PEX13: variants seen among roughly 807,000 people sequenced by gnomAD.
PEX13 encodes the protein peroxisomal biogenesis factor 13, also known as peroxisome biogenesis factor 13.
A neutral mutation model predicts 34.5 loss-of-function variants in PEX13; 28 were observed. That is an observed-to-expected ratio of 0.81 (90% CI 0.60 to 1.11). The LOEUF is 1.11. PEX13 is among the 50% of genes most tolerant of loss of function. The pLI is 0.00. For synonymous variants in PEX13, 177 were observed against 175.1 expected (o/e 1.01, Z -0.09); for missense variants, 550 against 491.0 (o/e 1.12, Z -1.13).
intron 3 of PEX13, among the ~76,000 whole-genome samples, chr2:61,046,254 A>C (rs937744227): frequency 6.6e-6 from 1 of 152,200 alleles, no homozygotes; most frequent in African/African-American, 2.4e-5. Context: ...TTACTTCAGC[A>C]GTGTTTACCT....
chr2:61,044,633 G>C (rs1034393646), intron 2 of PEX13, among the ~76,000 whole-genome samples: 3 of 152,118 alleles, frequency 2.0e-5, no homozygotes, highest in African/African-American at 7.2e-5. Context: ...AGATCCACCC[G>C]CCTCGGCCTC....
chr2:61,040,235 G>A (rs1168467460), intron 2 of PEX13, among the ~76,000 whole-genome samples: 1 of 151,978 alleles, frequency 6.6e-6, no homozygotes, highest in Non-Finnish European at 1.5e-5. Flanking sequence ...TCCCTTACTG[G>A]GTATATATCC....
chr2:61,043,332 TAAAAAAAAAA>T (rs36040457), intron 2 of PEX13, among the ~76,000 whole-genome samples: 45 of 73,740 alleles, frequency 6.1e-4, no homozygotes, highest in Admixed American at 9.2e-4. Flanking sequence ...CTGTCTCTAC[TAAAAAAAAAA>T]AAAAAAAAAA....
chr2:61,026,272 A>G (rs1252261420), intron 1 of PEX13, among the ~76,000 whole-genome samples: 1 of 151,548 alleles, frequency 6.6e-6, no homozygotes, highest in Non-Finnish European at 1.5e-5. Flanking sequence ...TCCTTAGTGT[A>G]CAGCAGCTAA....
intron 2 of PEX13, among the ~76,000 whole-genome samples, chr2:61,041,849 T>C (rs1432071685): frequency 6.6e-6 from 1 of 152,144 alleles, no homozygotes; most frequent in Non-Finnish European, 1.5e-5. Context: ...ATGAAGAAGC[T>C]ACTATAGGAA....
At chr2:61,028,389 TTTC>T (rs1306251821) in intron 1 of PEX13, among the ~76,000 whole-genome samples, 1 of 148,972 alleles carries the variant, frequency 6.7e-6, no homozygotes, top group Non-Finnish European at 1.5e-5. Context: ...ATTTCTTTCT[TTTC>T]TTTTTTTTTT....
rs1463784828 is a variant in PEX13 at position 61,017,764 on chromosome 2, C to T, written c.5C>T (p.Ala2Val). ...AGCCGAGAGGAGGCGGAGGAGATGG[C>T]GTCCCAGCCGCCACCTCCCCCCAAA... M[A>V]SQPPPPPKPW... The change falls in exon 1 of 4, where the codon GCG (alanine) becomes GTG (valine). Residue 2 changes from alanine (A) to valine (V), a missense_variant. Coordinates refer to ENST00000295030, the MANE Select transcript of PEX13 (RefSeq NM_002618.4). 1.3e-6 allele frequency: 2 copies of T among 1,549,218 alleles called. No individual in the cohort carries two copies. Among genetic ancestry groups the T allele is most frequent in the Admixed American group, 2.0e-5 (1 of 50,904 alleles).
intron 1 of PEX13, among the ~76,000 whole-genome samples, chr2:61,024,218 T>A (rs1299401401): frequency 6.6e-6 from 1 of 152,190 alleles, no homozygotes; most frequent in Non-Finnish European, 1.5e-5. Flanking sequence ...CTCAGTGTGG[T>A]CTTCTTTGTA....
intron 1 of PEX13, among the ~76,000 whole-genome samples, chr2:61,020,357 G>A (rs1040908165): frequency 6.6e-6 from 1 of 151,792 alleles, no homozygotes; most frequent in African/African-American, 2.4e-5. Flanking sequence ...ACATTTTCCA[G>A]TTGGTTATTA....
intron 2 of PEX13, among the ~76,000 whole-genome samples, chr2:61,036,383 A>AAGGCCGGATT (rs1194913687): frequency 1.3e-5 from 2 of 152,200 alleles, no homozygotes; most frequent in Non-Finnish European, 2.9e-5. Context: ...GCCAGAGAGA[A>AAGGCCGGATT]AGGCCGGATT....
intron 1 of PEX13, among the ~76,000 whole-genome samples, chr2:61,023,274 G>A (rs1027919139): frequency 6.6e-6 from 1 of 152,018 alleles, no homozygotes; most frequent in African/African-American, 2.4e-5. Flanking sequence ...CAAAATGCTG[G>A]GATTACAGGC....
chr2:61,041,738 T>A (rs1680628498), intron 2 of PEX13, among the ~76,000 whole-genome samples: 1 of 152,210 alleles, frequency 6.6e-6, no homozygotes, highest in East Asian at 1.9e-4. Flanking sequence ...TTTTGCTTTG[T>A]CTTTTCAGAA....
chr2:61,021,726 C>A (rs1029017084), intron 1 of PEX13, among the ~76,000 whole-genome samples: 1 of 152,180 alleles, frequency 6.6e-6, no homozygotes, highest in Admixed American at 6.5e-5. Context: ...TCAAGTGGGT[C>A]CCTGACCCCC....
rs754783237 is a variant in PEX13, at chr2:61,031,927, T to G, written c.601T>G (p.Leu201Val). 4 of 1,614,178 alleles carry G rather than the reference T, an allele frequency of 2.5e-6. No homozygotes were observed. The South Asian group carries it at 4.4e-5, about 18-fold the overall frequency. Reference protein sequence around the residue: ...LYRRLQRMLGLRRGSENEDLW... With the variant: ...LYRRLQRMLGVRRGSENEDLW... Reference sequence around the variant, plus strand: ...CAGACGGCTACAGCGGATGTTAGGTTTAAGAAGAGGCTCTGAGAATGAAGA... The same window carrying G: ...CAGACGGCTACAGCGGATGTTAGGTGTAAGAAGAGGCTCTGAGAATGAAGA... Residue 201 changes from leucine to valine, a missense_variant, in exon 2 of 4, where the codon TTA becomes GTA. Transcript: ENST00000295030.
At chr2:61,044,112 G>A (rs994377513) in intron 2 of PEX13, among the ~76,000 whole-genome samples, 1 of 151,952 alleles carries the variant, frequency 6.6e-6, no homozygotes, top group Non-Finnish European at 1.5e-5. Flanking sequence ...ACCACACCTG[G>A]CCAATTTATT....
chr2:61,036,965 AAGC>A (rs1680546134), intron 2 of PEX13, among the ~76,000 whole-genome samples: 1 of 152,162 alleles, frequency 6.6e-6, no homozygotes, highest in African/African-American at 2.4e-5. Flanking sequence ...GCAAAAAAAA[AAGC>A]AGGAGTTGCA....
chr2:61,023,964 T>C (rs1316146741), intron 1 of PEX13, among the ~76,000 whole-genome samples: 1 of 151,978 alleles, frequency 6.6e-6, no homozygotes, highest in African/African-American at 2.4e-5. Context: ...GCCCAGCTAA[T>C]TTTTGTATTT....
intron 2 of PEX13, among the ~76,000 whole-genome samples, chr2:61,036,007 C>G (rs1406695118): frequency 6.9e-6 from 1 of 144,878 alleles, no homozygotes; most frequent in African/African-American, 2.5e-5. Flanking sequence ...AAAGCCGATT[C>G]AATCAAGTGG....
At chr2:61,023,732 C>CT (rs375431867) in intron 1 of PEX13, among the ~76,000 whole-genome samples, 48,916 of 130,146 alleles carry the variant, frequency 0.38, 9,466 homozygotes, top group Middle Eastern at 0.48. Context: ...TTCCTGACTT[C>CT]TTTTTTTTTT....
Sources: allele counts gnomAD v4.1 joint callset (sites outside exome capture counted in the v4.1 genomes callset), GRCh38; gene constraint gnomAD v4.1.1; transcripts MANE v1.5; gene names NCBI Gene and HGNC (gene_info 2026-07-23, HGNC 2026-07-21).